GAS7: variants seen among roughly 807,000 people sequenced by gnomAD.
The protein encoded by GAS7 is growth arrest specific 7, also known as growth arrest-specific protein 7.
A neutral mutation model predicts 71.1 loss-of-function variants in GAS7; 28 were observed. The observed-to-expected ratio is 0.39, with a 90% CI of 0.29 to 0.54. The LOEUF (loss-of-function observed/expected upper bound fraction) is 0.54. GAS7 is among the 20% of genes least tolerant of loss of function. GAS7 has a pLI of 0.62. For synonymous variants in GAS7, 258 were observed against 245.8 expected (o/e 1.05, Z -0.46); for missense variants, 436 against 627.8 (o/e 0.69, Z 3.27).
intron 1 of GAS7, among the ~76,000 whole-genome samples, chr17:10,088,521 G>T (rs1388650899): frequency 6.6e-6 from 1 of 152,106 alleles, no homozygotes; most frequent in African/African-American, 2.4e-5. Context: ...TTAAATCTGT[G>T]CAGCCCGGGC....
At chr17:9,925,731 G>A (rs2067978434) in intron 10 of GAS7, 132 bp from the exon 11 acceptor site, 2 of 955,018 alleles carry the variant, frequency 2.1e-6, no homozygotes, top group Non-Finnish European at 3.1e-6. Flanking sequence ...GTGGTCCAGA[G>A]AGGCCCAGCA....
chr17:9,981,837 G>T lies in GAS7; in HGVS notation c.352C>A (p.Pro118Thr), dbSNP rs1380052045. 3 of 1,605,862 alleles carry T rather than the reference G, an allele frequency of 1.9e-6. No homozygotes were observed. In the African/African-American group the frequency reaches 4.0e-5, roughly 21 times the overall value. The change falls in exon 3 of 14, where the codon CCT becomes ACT. Residue 118 changes from proline (P) to threonine (T), a missense_variant. Pro to Thr is a conservative substitution (Grantham distance 38). Coordinates refer to ENST00000432992, the MANE Select transcript of GAS7 (RefSeq NM_201433.2). This position sits in a 1 kb window ranked among gnomAD's most constrained non-coding sequence, Gnocchi z 4.4. ...PSSSPGIPAS[P>T]GSHRSSLPPT... The stretch of plus-strand genomic sequence containing the variant: ...GGCAGAGAGCTCCTGTGAGAGCCAG[G>T]GCTGGCTGGAATCCCAGGAGAACTG...
chr17:10,029,846 C>T (rs532541109), intron 1 of GAS7, among the ~76,000 whole-genome samples: 47 of 150,230 alleles, frequency 3.1e-4, no homozygotes, highest in African/African-American at 7.8e-4. Flanking sequence ...AGCGAGACTC[C>T]GTCTCAAAAA....
At chr17:9,960,632 CTGGACACCTGGCCAAA>C (rs1470201716) in intron 4 of GAS7, among the ~76,000 whole-genome samples, 1 of 152,256 alleles carries the variant, frequency 6.6e-6, no homozygotes, top group Non-Finnish European at 1.5e-5. Context: ...CAGCACGACC[CTGGACACCTGGCCAAA>C]TGACCATCTG....
intron 1 of GAS7, among the ~76,000 whole-genome samples, chr17:10,099,207 C>T: frequency 6.6e-6 from 1 of 152,180 alleles, no homozygotes; most frequent in Admixed American, 6.5e-5. Context: ...GGAGACACAC[C>T]CATCCAAACC....
intron 1 of GAS7, among the ~76,000 whole-genome samples, chr17:10,185,636 G>A (rs961927851): frequency 3.9e-5 from 6 of 152,258 alleles, no homozygotes; most frequent in African/African-American, 9.6e-5. Context: ...ATTTACAGCC[G>A]GTCAATCAGA....
intron 2 of GAS7, among the ~76,000 whole-genome samples, chr17:9,999,600 T>A (rs1014769832): frequency 6.6e-6 from 1 of 152,148 alleles, no homozygotes; most frequent in African/African-American, 2.4e-5. Context: ...GAGGCTATTC[T>A]GGAAAATAGA....
chr17:10,031,910 C>G (rs1260173193), intron 1 of GAS7, among the ~76,000 whole-genome samples: 1 of 152,132 alleles, frequency 6.6e-6, no homozygotes, highest in African/African-American at 2.4e-5. Flanking sequence ...ATCAGAGTCA[C>G]TCTTTTGGCC....
chr17:10,157,286 G>C (rs947920329), intron 1 of GAS7, among the ~76,000 whole-genome samples: 1 of 151,960 alleles, frequency 6.6e-6, no homozygotes, highest in Non-Finnish European at 1.5e-5. Flanking sequence ...TGGAGCTGAC[G>C]AGGGGAATAA....
intron 1 of GAS7, among the ~76,000 whole-genome samples, chr17:10,063,011 T>G (rs2073236160): frequency 6.6e-6 from 1 of 152,200 alleles, no homozygotes; most frequent in Non-Finnish European, 1.5e-5. Context: ...GGGCACACAG[T>G]AGGATGGACC....
intron 1 of GAS7, among the ~76,000 whole-genome samples, chr17:10,181,945 G>A (rs565785614): frequency 3.6e-4 from 55 of 152,208 alleles, no homozygotes; most frequent in African/African-American, 1.3e-3. Flanking sequence ...TCCCACCAGC[G>A]CCAGGACAGT....
chr17:10,173,007 A>G (rs2074346366), intron 1 of GAS7, among the ~76,000 whole-genome samples: 2 of 152,250 alleles, frequency 1.3e-5, no homozygotes, highest in South Asian at 2.1e-4. Flanking sequence ...ATGAAAAGCA[A>G]TGAAGTACTG....
At chr17:10,121,719 T>C (rs551644044) in intron 1 of GAS7, among the ~76,000 whole-genome samples, 1 of 152,276 alleles carries the variant, frequency 6.6e-6, no homozygotes, top group South Asian at 2.1e-4. Context: ...GTTGAGGAGA[T>C]AAGTAAAAGC....
chr17:9,984,300 C>T lies in GAS7; in HGVS notation c.305-2416G>A, dbSNP rs114403513. On this transcript the variant is annotated intron_variant, in intron 2 of 13. Transcript: ENST00000432992. Reference sequence around the variant, plus strand: ...TTGGTCTCGTAGGCCCCAATACTCCCGCTCTCTAGGTGTGATTGGTGGTCT... The same window carrying T: ...TTGGTCTCGTAGGCCCCAATACTCCTGCTCTCTAGGTGTGATTGGTGGTCT... Among the ~76,000 whole-genome samples, 354 of 152,166 alleles carry T rather than the reference C, an allele frequency of 2.3e-3. 1 individual carries two copies. The highest frequency in any genetic ancestry group is 7.8e-3 in the African/African-American group (324 of 41,518).
intron 7 of GAS7, among the ~76,000 whole-genome samples, chr17:9,941,418 C>T (rs1049732217): frequency 2.0e-4 from 31 of 152,198 alleles, no homozygotes; most frequent in African/African-American, 7.2e-4. Flanking sequence ...TGTGTCTCAC[C>T]TCCAGGACGA....
At position 10,198,580 on chromosome 17, in the gene GAS7, C is replaced by G. The variant is rs930122289; in HGVS notation, c.-190G>C. On this transcript the variant is annotated 5_prime_UTR_variant, in exon 1 of 14. Coordinates refer to ENST00000432992, the MANE Select transcript of GAS7 (RefSeq NM_201433.2). Reference sequence around the variant, plus strand: ...CGCTCCGCGCCGGGAAGCAGAGACTCGTTGGCTTCGCAGAGCGAGCGGCGA... The same window carrying G: ...CGCTCCGCGCCGGGAAGCAGAGACTGGTTGGCTTCGCAGAGCGAGCGGCGA... 4 of 372,168 alleles carry G rather than the reference C, an allele frequency of 1.1e-5. No homozygotes were observed. The East Asian group carries it at 1.7e-4, about 15-fold the overall frequency. The allele number at this position is 372,168 out of a possible 1,614,324, so 23.1% of individuals were successfully genotyped here.
intron 1 of GAS7, among the ~76,000 whole-genome samples, chr17:10,195,160 C>T (rs570781066): frequency 6.6e-6 from 1 of 152,244 alleles, no homozygotes; most frequent in South Asian, 2.1e-4. Context: ...CAAGTATGTG[C>T]TATACCATTT....
In GAS7 at chr17:9,941,475, C is replaced by G. The variant is rs1489678739; in HGVS notation, c.732-1275G>C. ...CTGCCCCACTTCTCTAAACCAAGAT[C>G]CCAGCAAACCAGCCAGCACCTGTCC... On this transcript the variant is annotated intron_variant, in intron 7 of 13. Transcript: ENST00000432992. 3.3e-5 allele frequency among the ~76,000 whole-genome samples: 5 copies of G among 152,184 alleles called. No homozygotes were observed. The East Asian group carries it at 9.6e-4, about 29-fold the overall frequency.
At chr17:10,086,008 G>C (rs925373353) in intron 1 of GAS7, among the ~76,000 whole-genome samples, 4 of 152,164 alleles carry the variant, frequency 2.6e-5, no homozygotes, top group Admixed American at 6.5e-5. Context: ...AGGTGTCAGA[G>C]GCATGACTGG....
Sources: allele counts gnomAD v4.1 joint callset (sites outside exome capture counted in the v4.1 genomes callset), GRCh38; gene constraint gnomAD v4.1.1; non-coding constraint Gnocchi (gnomAD v3.1); transcripts MANE v1.5; gene names NCBI Gene and HGNC (gene_info 2026-07-23, HGNC 2026-07-21).